ITGA9: variants seen among roughly 807,000 people sequenced by gnomAD.
ITGA9 encodes integrin subunit alpha 9.
ITGA9 carries 56 observed loss-of-function variants against 127.8 expected under a neutral mutation model. That is an observed-to-expected ratio of 0.44 (90% CI 0.35 to 0.55). The LOEUF (loss-of-function observed/expected upper bound fraction) is 0.55. ITGA9 is among the 20% of genes least tolerant of loss of function. The pLI, the probability that ITGA9 is intolerant of heterozygous loss-of-function variation, is 0.00. For synonymous variants in ITGA9, 508 were observed against 514.5 expected, an observed-to-expected ratio of 0.99 and a Z score of 0.17; for missense variants, 1,196 against 1,347.1, an observed-to-expected ratio of 0.89 and a Z score of 1.76.
In ITGA9 at chr3:37,503,212, A is replaced by T; in HGVS notation, c.647A>T (p.Tyr216Phe). ...GTGATGGGTGCTCCAGGGTCATTTT[A>T]TTGGGCTGGAACCATCAAAGTGCTG... ...LVVMGAPGSF[Y>F]WAGTIKVLNL... The change falls in exon 6 of 28, where the codon TAT becomes TTT. Residue 216 changes from tyrosine to phenylalanine, a missense_variant. Coordinates refer to ENST00000264741, the MANE Select transcript of ITGA9 (RefSeq NM_002207.3). 1 of 1,613,870 alleles carries T rather than the reference A, an allele frequency of 6.2e-7. No homozygotes were observed.
chr3:37,793,028 A>G (rs769838528), intron 26 of ITGA9, among the ~76,000 whole-genome samples: 16 of 152,098 alleles, frequency 1.1e-4, no homozygotes, highest in Non-Finnish European at 1.8e-4. Flanking sequence ...GAACCACATG[A>G]AAAATGAGCC....
chr3:37,463,395 G>T (rs1477462491), intron 1 of ITGA9, among the ~76,000 whole-genome samples: 1 of 152,204 alleles, frequency 6.6e-6, no homozygotes, highest in Non-Finnish European at 1.5e-5. Context: ...TCATGCATCT[G>T]TGGTCAACTT....
intron 21 of ITGA9, 129 bp from the exon 22 acceptor site, chr3:37,743,797 C>G (rs1309875121): frequency 1.4e-6 from 1 of 736,284 alleles, no homozygotes; most frequent in Non-Finnish European, 2.5e-6. Context: ...ATGTAACAGC[C>G]CCAGCAGGGA....
chr3:37,651,808 G>A (rs955383676), intron 16 of ITGA9, among the ~76,000 whole-genome samples: 1 of 152,136 alleles, frequency 6.6e-6, no homozygotes, highest in African/African-American at 2.4e-5. Context: ...GAGGCCCTGG[G>A]TGGGAAGTTG....
At chr3:37,542,609 C>T in intron 15 of ITGA9, 24 bp downstream of exon 15, 2 of 1,612,924 alleles carry the variant, frequency 1.2e-6, no homozygotes, top group South Asian at 2.2e-5. Flanking sequence ...TCCTTTTTAT[C>T]CTCAAACTTT....
At chr3:37,801,669 A>G (rs1206527989) in intron 26 of ITGA9, among the ~76,000 whole-genome samples, 1 of 152,158 alleles carries the variant, frequency 6.6e-6, no homozygotes, top group Non-Finnish European at 1.5e-5. Flanking sequence ...GTAGCCAGCC[A>G]TGCACAACCT....
intron 18 of ITGA9, among the ~76,000 whole-genome samples, chr3:37,691,224 A>G (rs1273378355): frequency 1.3e-5 from 2 of 152,214 alleles, no homozygotes; most frequent in Non-Finnish European, 2.9e-5. Flanking sequence ...AGAGGCCCAC[A>G]GGATTAGAAG....
intron 4 of ITGA9, among the ~76,000 whole-genome samples, chr3:37,485,337 G>A (rs910871879): frequency 6.6e-6 from 1 of 152,084 alleles, no homozygotes; most frequent in African/African-American, 2.4e-5. Flanking sequence ...GGAGGGGGAC[G>A]GCTGCCTCTA....
Position 37,498,490 on chromosome 3 carries a change from CG to C in ITGA9, c.612+3926del, listed in dbSNP as rs943784024. On this transcript the variant is annotated intron_variant, in intron 5 of 27. Transcript: ENST00000264741. ...GGCAGGGAGTGGTAGGAGGAACCGG[CG>C]GGGCAGGAGTGTGGAGGGGAAGTCC... Among the ~76,000 whole-genome samples the C allele has an allele frequency of 4.4e-4, 67 of 152,188 alleles. 1 individual carries two copies. The highest frequency in any genetic ancestry group is 1.5e-3 in the African/African-American group (63 of 41,528).
At chr3:37,612,781 T>A (rs1037453604) in intron 15 of ITGA9, among the ~76,000 whole-genome samples, 1 of 152,232 alleles carries the variant, frequency 6.6e-6, no homozygotes, top group Admixed American at 6.5e-5. Flanking sequence ...AATCTGTGGA[T>A]AGTCCTAATC....
chr3:37,492,769 T>G (rs989613375), intron 4 of ITGA9, among the ~76,000 whole-genome samples: 1 of 152,264 alleles, frequency 6.6e-6, no homozygotes, highest in African/African-American at 2.4e-5. Flanking sequence ...CAATTGGGTG[T>G]TTAGTCTCTA....
intron 1 of ITGA9, among the ~76,000 whole-genome samples, chr3:37,469,388 G>T (rs1046293141): frequency 6.6e-6 from 1 of 152,212 alleles, no homozygotes; most frequent in African/African-American, 2.4e-5. Context: ...CATGCTGTGT[G>T]TGTGGTGGGT....
intron 27 of ITGA9, chr3:37,807,377 G>C (rs1345643592): frequency 6.6e-6 from 1 of 152,332 alleles, no homozygotes; most frequent in Non-Finnish European, 1.5e-5. Context: ...TTCCAGGCAG[G>C]GAAGGGTAGA....
At chr3:37,777,061 A>G (rs1306048453) in intron 23 of ITGA9, among the ~76,000 whole-genome samples, 1 of 152,196 alleles carries the variant, frequency 6.6e-6, no homozygotes, top group Non-Finnish European at 1.5e-5. Flanking sequence ...AATTGCTTGT[A>G]AGGATGTTCT....
intron 4 of ITGA9, among the ~76,000 whole-genome samples, chr3:37,483,499 G>T (rs923359982): frequency 1.3e-4 from 20 of 152,172 alleles, no homozygotes; most frequent in Non-Finnish European, 2.5e-4. Context: ...GCAGGGGGAA[G>T]TAAGAATGGG....
intron 15 of ITGA9, among the ~76,000 whole-genome samples, chr3:37,625,196 C>T (rs966175566): frequency 7.9e-5 from 12 of 152,130 alleles, no homozygotes; most frequent in Non-Finnish European, 2.9e-5. Flanking sequence ...CTCTGGGAAG[C>T]CTGCCAGCCC....
chr3:37,819,955 T>C lies in ITGA9; in HGVS notation c.*966T>C, dbSNP rs1387832339. 6.6e-6 allele frequency: 1 copy of C among 152,208 alleles called. No individual in the cohort carries two copies. Among genetic ancestry groups the C allele is most frequent in the African/African-American group, 2.4e-5 (1 of 41,434 alleles). The allele number at this position is 152,208 out of a possible 1,614,324, so 9.4% of individuals were successfully genotyped here. Reference sequence around the variant, plus strand: ...GATTGCCTTTTTGTGGTAATTTTCATTGAGAGATCTTCATTTCCCCTACCA... The same window carrying C: ...GATTGCCTTTTTGTGGTAATTTTCACTGAGAGATCTTCATTTCCCCTACCA... On this transcript the variant is annotated 3_prime_UTR_variant, in exon 28 of 28. Transcript: ENST00000264741.
intron 22 of ITGA9, 28 bp from the exon 23 acceptor site, chr3:37,750,434 A>C: frequency 7.5e-7 from 1 of 1,325,530 alleles, no homozygotes; most frequent in Non-Finnish European, 1.1e-6. Flanking sequence ...TTCCACTGAG[A>C]CTTGCTGTGT....
intron 4 of ITGA9, among the ~76,000 whole-genome samples, chr3:37,493,188 GTGT>G (rs1247726290): frequency 6.6e-6 from 1 of 152,202 alleles, no homozygotes; most frequent in Non-Finnish European, 1.5e-5. Flanking sequence ...TCTGTGGTGA[GTGT>G]TGTTAGAAAC....
Sources: allele counts gnomAD v4.1 joint callset (sites outside exome capture counted in the v4.1 genomes callset), GRCh38; gene constraint gnomAD v4.1.1; transcripts MANE v1.5; gene names NCBI Gene and HGNC (gene_info 2026-07-23, HGNC 2026-07-21).